HDAC9: variants seen among roughly 807,000 people sequenced by gnomAD.
HDAC9 encodes the protein histone deacetylase 9, also known as MEF-2 interacting transcription repressor (MITR) protein.
HDAC9 carries 41 observed loss-of-function variants against 139.4 expected under a neutral mutation model. That is an observed-to-expected ratio of 0.29 (90% CI 0.23 to 0.38). HDAC9 has a LOEUF of 0.38. Among genes scored for constraint, HDAC9 ranks in the 10% least tolerant of loss-of-function variants. The probability of loss-of-function intolerance (pLI) is 1.00; values close to 1 mark genes in which losing one functional copy is unlikely to be tolerated. For missense variants in HDAC9, 1,147 were observed against 1,297.0 expected, an observed-to-expected ratio of 0.88 and a Z score of 1.78; for synonymous variants, 517 against 476.2, an observed-to-expected ratio of 1.09 and a Z score of -1.12.
At chr7:18,125,698 T>G (rs529722734) in intron 1 of HDAC9, among the ~76,000 whole-genome samples, 1 of 152,128 alleles carries the variant, frequency 6.6e-6, no homozygotes, top group Admixed American at 6.6e-5. Context: ...CCATATGGTC[T>G]GTGTTACAAC....
intron 24 of HDAC9, among the ~76,000 whole-genome samples, chr7:18,963,049 G>C (rs1783625311): frequency 6.6e-6 from 1 of 152,082 alleles, no homozygotes; most frequent in Admixed American, 6.5e-5. Flanking sequence ...CTCTTCCCAA[G>C]TATAGACACT....
chr7:18,868,632 A>G (rs958862732), intron 21 of HDAC9, among the ~76,000 whole-genome samples: 4 of 151,994 alleles, frequency 2.6e-5, no homozygotes, highest in African/African-American at 7.2e-5. Context: ...TTCTTGCTAC[A>G]GTTTTTTTTC....
chr7:18,183,211 G>A (rs2697913), intron 2 of HDAC9, among the ~76,000 whole-genome samples: 234 of 152,070 alleles, frequency 1.5e-3, no homozygotes, highest in East Asian at 5.2e-3. Flanking sequence ...GGGTTTCACC[G>A]TGTTAGCCAG....
intron 2 of HDAC9, among the ~76,000 whole-genome samples, chr7:18,500,500 T>A (rs1205629866): frequency 6.6e-6 from 1 of 152,158 alleles, no homozygotes. Context: ...CAGAGAGACC[T>A]GTCTCCTGGG....
intron 1 of HDAC9, among the ~76,000 whole-genome samples, chr7:18,129,950 G>T (rs938391798): frequency 1.3e-5 from 2 of 152,078 alleles, no homozygotes; most frequent in African/African-American, 2.4e-5. Flanking sequence ...TGAGGAAGTG[G>T]CACTGAAGCT....
At chr7:18,971,486 C>G (rs966182467) in intron 24 of HDAC9, among the ~76,000 whole-genome samples, 3 of 152,116 alleles carry the variant, frequency 2.0e-5, no homozygotes, top group Admixed American at 1.3e-4. Flanking sequence ...ATTCCTATGC[C>G]AATAGATATG....
At chr7:18,739,657 C>G (rs1302659183) in intron 13 of HDAC9, among the ~76,000 whole-genome samples, 1 of 152,136 alleles carries the variant, frequency 6.6e-6, no homozygotes, top group Admixed American at 6.5e-5. Flanking sequence ...AGAGAGGCAG[C>G]TGCCTATATG....
At chr7:18,591,011 A>G (rs573716302) in intron 4 of HDAC9, among the ~76,000 whole-genome samples, 2 of 152,206 alleles carry the variant, frequency 1.3e-5, no homozygotes, top group Admixed American at 1.3e-4. Context: ...GCAAAGTTTA[A>G]AATTTGATGA....
At chr7:18,641,517 G>A (rs1451710100) in intron 8 of HDAC9, among the ~76,000 whole-genome samples, 2 of 152,076 alleles carry the variant, frequency 1.3e-5, no homozygotes, top group Non-Finnish European at 2.9e-5. Context: ...CCCGTTAATT[G>A]TTTTGTGAAG....
intron 22 of HDAC9, among the ~76,000 whole-genome samples, chr7:18,934,785 T>G (rs913883740): frequency 3.9e-5 from 6 of 152,140 alleles, no homozygotes; most frequent in African/African-American, 1.4e-4. Flanking sequence ...TTAGCAGATT[T>G]TTAAGACTCA....
intron 6 of HDAC9, among the ~76,000 whole-genome samples, chr7:18,600,767 G>A (rs961541593): frequency 1.3e-5 from 2 of 151,916 alleles, no homozygotes; most frequent in Non-Finnish European, 2.9e-5. Context: ...TTTGCCTCTG[G>A]GTATAAAGTT....
chr7:18,709,341 C>G (rs1011247258), intron 12 of HDAC9, among the ~76,000 whole-genome samples: 1 of 152,114 alleles, frequency 6.6e-6, no homozygotes, highest in African/African-American at 2.4e-5. Context: ...AGGATGGCTT[C>G]TAGCTTCATC....
intron 2 of HDAC9, among the ~76,000 whole-genome samples, chr7:18,277,018 G>C (rs900604397): frequency 6.6e-6 from 1 of 151,920 alleles, no homozygotes; most frequent in Non-Finnish European, 1.5e-5. Flanking sequence ...TTATTAATTT[G>C]ATTTGAAATT....
chr7:18,666,542 G>T, intron 12 of HDAC9, 66 bp downstream of exon 12: 1 of 1,559,666 alleles, frequency 6.4e-7, no homozygotes, highest in Non-Finnish European at 8.7e-7. Context: ...GAAATGCATT[G>T]CAGGTTTGGT....
chr7:18,785,319 G>A (rs1417271364), intron 16 of HDAC9, among the ~76,000 whole-genome samples: 1 of 151,586 alleles, frequency 6.6e-6, no homozygotes, highest in African/African-American at 2.4e-5. Context: ...GTTATTTTTG[G>A]TTGTATACCA....
At chr7:18,916,199 G>A (rs1803195943) in intron 22 of HDAC9, among the ~76,000 whole-genome samples, 2 of 151,968 alleles carry the variant, frequency 1.3e-5, no homozygotes, top group South Asian at 4.1e-4. Context: ...AATATGAAAT[G>A]TCAGTCACTA....
At chr7:18,721,412 T>G (rs1161092393) in intron 12 of HDAC9, among the ~76,000 whole-genome samples, 1 of 152,006 alleles carries the variant, frequency 6.6e-6, no homozygotes, top group African/African-American at 2.4e-5. Context: ...ATTCTTTTGC[T>G]TTTTTTCACT....
intron 2 of HDAC9, among the ~76,000 whole-genome samples, chr7:18,178,289 T>C (rs1370436656): frequency 6.6e-6 from 1 of 152,240 alleles, no homozygotes; most frequent in African/African-American, 2.4e-5. Flanking sequence ...TTCACTATGT[T>C]GGCCAGACTT....
chr7:18,348,146 C>A (rs932685989), intron 1 of HDAC9, among the ~76,000 whole-genome samples: 1 of 152,076 alleles, frequency 6.6e-6, no homozygotes, highest in African/African-American at 2.4e-5. Flanking sequence ...TTGGGTCCTG[C>A]AGTTGGACAT....
Sources: gnomAD v4.1 joint callset for allele counts (sites outside exome capture counted in the v4.1 genomes callset) on GRCh38, gnomAD v4.1.1 for gene constraint, MANE v1.5 for transcripts, NCBI Gene and HGNC (gene_info 2026-07-23, HGNC 2026-07-21) for gene names.